The following COPG2 variants were observed in gnomAD, a reference collection of about 807,000 sequenced individuals.
COPG2 encodes coatomer subunit gamma-2.
COPG2 carries 37 observed loss-of-function variants against 46.3 expected under a neutral mutation model. That is an observed-to-expected ratio of 0.80 (90% CI 0.61 to 1.05). The LOEUF is 1.05. COPG2 is among the 50% of genes least tolerant of loss of function. COPG2 has a pLI of 0.00. For missense variants in COPG2, 427 were observed against 387.8 expected, an observed-to-expected ratio of 1.10 and a Z score of -0.85; for synonymous variants, 159 against 129.7, an observed-to-expected ratio of 1.23 and a Z score of -1.53.
intron 12 of COPG2, among the ~76,000 whole-genome samples, chr7:130,556,511 A>G (rs1399096042): frequency 6.6e-6 from 1 of 152,100 alleles, no homozygotes; most frequent in Non-Finnish European, 1.5e-5. Flanking sequence ...AGAGCATAGA[A>G]AATGAAAGAA....
intron 5 of COPG2, among the ~76,000 whole-genome samples, chr7:130,651,224 A>G (rs1795731529): frequency 6.6e-6 from 1 of 152,220 alleles, no homozygotes; most frequent in African/African-American, 2.4e-5. Context: ...GCAAATTATA[A>G]AAAGTTTAAA....
At chr7:130,648,020 G>A (rs1331257488) in intron 5 of COPG2, among the ~76,000 whole-genome samples, 7 of 152,124 alleles carry the variant, frequency 4.6e-5, no homozygotes, top group Admixed American at 1.3e-4. Context: ...GTGAGCCACC[G>A]TGCCCAGCCT....
At chr7:130,534,654 G>A (rs1799861412) in intron 20 of COPG2, among the ~76,000 whole-genome samples, 1 of 152,010 alleles carries the variant, frequency 6.6e-6, no homozygotes, top group African/African-American at 2.4e-5. Flanking sequence ...ATTCTTTCTT[G>A]GAGGCAAGAG....
chr7:130,614,384 A>AG (rs1381813635), intron 6 of COPG2, among the ~76,000 whole-genome samples: 2 of 152,236 alleles, frequency 1.3e-5, no homozygotes, highest in Non-Finnish European at 2.9e-5. Flanking sequence ...TCTAGAATCC[A>AG]GATTTATCAG....
intron 5 of COPG2, among the ~76,000 whole-genome samples, chr7:130,625,424 G>A (rs945627229): frequency 2.6e-5 from 4 of 151,674 alleles, no homozygotes; most frequent in Admixed American, 6.6e-5. Context: ...AATACCTCCA[G>A]CACAATGTTG....
At chr7:130,646,159 T>A (rs1285272326) in intron 5 of COPG2, among the ~76,000 whole-genome samples, 5 of 152,264 alleles carry the variant, frequency 3.3e-5, no homozygotes, top group African/African-American at 1.2e-4. Context: ...TTAAATAGTT[T>A]GCTCAACTTT....
chr7:130,532,162 G>A (rs1403446705), intron 20 of COPG2, among the ~76,000 whole-genome samples: 1 of 152,162 alleles, frequency 6.6e-6, no homozygotes, highest in East Asian at 1.9e-4. Flanking sequence ...TCAGGTGTGG[G>A]AACATAGTTC....
chr7:130,631,141 T>C (rs1795220045), intron 5 of COPG2, among the ~76,000 whole-genome samples: 1 of 151,680 alleles, frequency 6.6e-6, no homozygotes, highest in Admixed American at 6.6e-5. Flanking sequence ...ATTCATCTCA[T>C]CTGGTTTTTG....
chr7:130,528,267 G>A (rs1420056663), intron 20 of COPG2, among the ~76,000 whole-genome samples: 1 of 151,988 alleles, frequency 6.6e-6, no homozygotes, highest in Non-Finnish European at 1.5e-5. Flanking sequence ...ACAGGAAGAA[G>A]GTAGGAAATT....
At chr7:130,665,569 C>A (rs896271398) in intron 3 of COPG2, among the ~76,000 whole-genome samples, 3 of 152,076 alleles carry the variant, frequency 2.0e-5, no homozygotes, top group Admixed American at 6.5e-5. Flanking sequence ...ATTTACACAG[C>A]ACTAACATTG....
chr7:130,618,100 C>CAAAAAAAAAA (rs10695449), intron 5 of COPG2, among the ~76,000 whole-genome samples: 32 of 64,528 alleles, frequency 5.0e-4, no homozygotes, highest in Non-Finnish European at 7.7e-4. Flanking sequence ...GACCCTGTCT[C>CAAAAAAAAAA]AAAAAAAAAA....
intron 9 of COPG2, among the ~76,000 whole-genome samples, chr7:130,592,971 A>T (rs957642589): frequency 1.3e-5 from 2 of 152,260 alleles, no homozygotes; most frequent in African/African-American, 4.8e-5. Context: ...TGAAAATGTC[A>T]TTAGACTTCT....
intron 7 of COPG2, among the ~76,000 whole-genome samples, chr7:130,612,535 G>A (rs1252999866): frequency 3.3e-5 from 5 of 152,070 alleles, no homozygotes; most frequent in African/African-American, 9.7e-5. Context: ...CTTAAATAAC[G>A]TTATCATAAC....
chr7:130,606,856 G>C (rs1485649128), intron 9 of COPG2, among the ~76,000 whole-genome samples: 1 of 152,146 alleles, frequency 6.6e-6, no homozygotes, highest in Non-Finnish European at 1.5e-5. Context: ...GTTGAATCCT[G>C]ACAGAGTATT....
At chr7:130,603,830 C>G (rs782110858) in intron 9 of COPG2, 1 of 519,140 alleles carries the variant, frequency 1.9e-6, no homozygotes, top group Non-Finnish European at 3.9e-6. Context: ...TGCCAACCCC[C>G]ATGTAGCTGC....
chr7:130,525,107 G>T (rs1295892703), intron 20 of COPG2, among the ~76,000 whole-genome samples: 2 of 152,252 alleles, frequency 1.3e-5, no homozygotes, highest in Non-Finnish European at 2.9e-5. Context: ...GTGGGAGTGG[G>T]GCAGCCATTT....
chr7:130,628,958 A>G (rs1448762640), intron 5 of COPG2, among the ~76,000 whole-genome samples: 1 of 152,150 alleles, frequency 6.6e-6, no homozygotes, highest in Non-Finnish European at 1.5e-5. Flanking sequence ...TGAGATAGGA[A>G]GACTGCTTGA....
intron 9 of COPG2, among the ~76,000 whole-genome samples, chr7:130,573,678 A>G (rs1793950755): frequency 6.6e-6 from 1 of 152,176 alleles, no homozygotes; most frequent in African/African-American, 2.4e-5. Flanking sequence ...AATTATCTTC[A>G]TAGATGAACA....
At chr7:130,630,109 C>T (rs1795201644) in intron 5 of COPG2, among the ~76,000 whole-genome samples, 1 of 151,990 alleles carries the variant, frequency 6.6e-6, no homozygotes, top group South Asian at 2.1e-4. Context: ...GATGGGGTTT[C>T]ACCATGTTGG....
Sources: allele counts gnomAD v4.1 joint callset (sites outside exome capture counted in the v4.1 genomes callset), GRCh38; gene constraint gnomAD v4.1.1; transcripts MANE v1.5; gene names NCBI Gene and HGNC (gene_info 2026-07-23, HGNC 2026-07-21).